The following DMTF1 variants were observed in gnomAD, a reference collection of about 807,000 sequenced individuals.
DMTF1 encodes cyclin D binding myb like transcription factor 1.
In DMTF1, 39 loss-of-function variants were observed where a neutral mutation model predicts 91.1. The ratio of observed to expected loss-of-function variants is 0.43; its 90% CI spans 0.33 to 0.56. The LOEUF is 0.56. Ranked by LOEUF, DMTF1 falls within the 20% of genes least tolerant of loss-of-function variation. The pLI is 0.05. For synonymous variants in DMTF1, 338 were observed against 309.5 expected, an observed-to-expected ratio of 1.09 and a Z score of -0.97; for missense variants, 750 against 914.5, an observed-to-expected ratio of 0.82 and a Z score of 2.32.
chr7:87,189,064 C>T (rs374851232), intron 13 of DMTF1, among the ~76,000 whole-genome samples: 4 of 152,082 alleles, frequency 2.6e-5, no homozygotes, highest in East Asian at 3.8e-4. Flanking sequence ...GCATTTTGAG[C>T]GACAGGTTTT....
At chr7:87,193,600 T>C (rs1800439089) in intron 15 of DMTF1, 125 bp from the exon 16 acceptor site, 1 of 1,007,360 alleles carries the variant, frequency 9.9e-7, no homozygotes, top group African/African-American at 1.6e-5. Context: ...AGGACAAGGG[T>C]TCTAGAAAAA....
chr7:87,155,455 C>G (rs1043747017), intron 1 of DMTF1: 12 of 152,168 alleles, frequency 7.9e-5, no homozygotes, highest in African/African-American at 2.7e-4. Context: ...GCAATTGCAG[C>G]TCCTTTATGT....
chr7:87,172,035 G>C (rs1386879141), intron 5 of DMTF1, among the ~76,000 whole-genome samples: 3 of 152,178 alleles, frequency 2.0e-5, no homozygotes. Flanking sequence ...TTGGGAAATG[G>C]TGATTTGATT....
chr7:87,179,311 G>T (rs563303249), intron 7 of DMTF1, among the ~76,000 whole-genome samples: 1 of 152,072 alleles, frequency 6.6e-6, no homozygotes, highest in African/African-American at 2.4e-5. Flanking sequence ...TAAAAGAGTT[G>T]ATGGAAATTC....
intron 7 of DMTF1, among the ~76,000 whole-genome samples, chr7:87,178,219 G>T (rs1796640498): frequency 6.6e-6 from 1 of 152,010 alleles, no homozygotes; most frequent in Non-Finnish European, 1.5e-5. Flanking sequence ...TAATTTTGAC[G>T]CTGTGTGGGA....
chr7:87,173,124 C>G (rs1795469305), intron 5 of DMTF1, among the ~76,000 whole-genome samples: 1 of 152,154 alleles, frequency 6.6e-6, no homozygotes, highest in Non-Finnish European at 1.5e-5. Context: ...CCTAGGACTT[C>G]CATTTTCCTA....
At position 87,194,838 on chromosome 7, in the gene DMTF1, T is replaced by C. The variant is rs934831380; in HGVS notation, c.2173+10T>C. The stretch of plus-strand genomic sequence containing the variant: ...TTGACAACACTAACAGGTACTGTAA[T>C]ATAATACTTACTATGTGCCTGATAA... On this transcript the variant is annotated intron_variant, in intron 17 of 17. Transcript: ENST00000331242. The C allele has an allele frequency of 7.0e-5, 112 of 1,596,334 alleles. No individual in the cohort carries two copies. The highest frequency in any genetic ancestry group is 9.2e-5 in the Non-Finnish European group (108 of 1,171,910).
At chr7:87,189,729 T>G (rs1799308056) in intron 13 of DMTF1, among the ~76,000 whole-genome samples, 1 of 152,114 alleles carries the variant, frequency 6.6e-6, no homozygotes, top group Admixed American at 6.6e-5. Context: ...TAGTAAATAT[T>G]TTAGGCTTTG....
chr7:87,166,015 G>A (rs1049381024), intron 3 of DMTF1, among the ~76,000 whole-genome samples: 2 of 152,108 alleles, frequency 1.3e-5, no homozygotes, highest in Admixed American at 1.3e-4. Flanking sequence ...ACATTTAATA[G>A]CATAAAGCTT....
chr7:87,194,869 A>C (rs1450697497), intron 17 of DMTF1, 41 bp downstream of exon 17: 1 of 1,567,522 alleles, frequency 6.4e-7, no homozygotes, highest in Admixed American at 1.9e-5. Flanking sequence ...GATAAATTTT[A>C]GATGGAAAAA....
Position 87,194,678 on chromosome 7 carries a change from A to G in DMTF1, c.2029-6A>G. On this transcript the variant is annotated splice_polypyrimidine_tract_variant and splice_region_variant and intron_variant, in intron 16 of 17. Coordinates refer to ENST00000331242, the MANE Select transcript of DMTF1 (RefSeq NM_001142327.2). ...GAGTCAATATTTTTTTTTTAATGTTATTTAGGGTTTAGAGTCTCCCACTAT... is the reference window on the plus strand; with the variant it reads ...GAGTCAATATTTTTTTTTTAATGTTGTTTAGGGTTTAGAGTCTCCCACTAT... The G allele has an allele frequency of 6.3e-7, 1 of 1,592,586 alleles. No homozygotes were observed. The highest frequency in any genetic ancestry group is 8.6e-7 in the Non-Finnish European group (1 of 1,165,466).
In DMTF1 at chr7:87,173,651, T is replaced by C; in HGVS notation, c.442+2T>C. 6.3e-7 allele frequency: 1 copy of C among 1,589,238 alleles called. No homozygotes were observed. Among genetic ancestry groups the C allele is most frequent in the Non-Finnish European group, 8.6e-7 (1 of 1,161,364 alleles). The stretch of plus-strand genomic sequence containing the variant: ...ATAAGGATTCTCTGACTAATAAAGG[T>C]AAGATAACACTGTGAATTTTAGTGC... On this transcript the variant is annotated splice_donor_variant, in intron 6 of 17. Coordinates refer to ENST00000331242, the MANE Select transcript of DMTF1 (RefSeq NM_001142327.2). LOFTEE classifies it high-confidence loss of function.
chr7:87,167,554 G>T (rs370521848), intron 4 of DMTF1, among the ~76,000 whole-genome samples: 2 of 152,084 alleles, frequency 1.3e-5, no homozygotes, highest in Admixed American at 6.5e-5. Flanking sequence ...GAAAAAGCAA[G>T]ACTTGGTTTT....
rs571610279 is a variant in DMTF1 at position 87,173,262 on chromosome 7, G to A, written c.328-273G>A. 1.8e-4 allele frequency among the ~76,000 whole-genome samples: 28 copies of A among 152,138 alleles called. No individual in the cohort carries two copies. In the South Asian group the frequency reaches 5.8e-3, roughly 32 times the overall value. The stretch of plus-strand genomic sequence containing the variant: ...CTCTTGGCCCATTTTATATAAAACT[G>A]AAGCCAATAGTACATTTACTTGCTT... On this transcript the variant is annotated intron_variant, in intron 5 of 17. Transcript: ENST00000331242.
At position 87,181,953 on chromosome 7, in the gene DMTF1, A is replaced by C. The variant is rs560578524; in HGVS notation, c.711-275A>C. The C allele has an allele frequency of 3.2e-5, 42 of 1,308,298 alleles. 1 individual carries two copies. In the East Asian group the frequency reaches 5.5e-4, roughly 17 times the overall value. The allele number at this position is 1,308,298 out of a possible 1,614,324, so 81.0% of individuals were successfully genotyped here. A position where few individuals can be genotyped will look rare whatever the true frequency, so the allele number is the denominator to read the frequency against. ...GCTTGCCTGGGAGATTGTGTCAGTAACCTGAGGGGAAATTGGTCTTTTTTG... is the reference window on the plus strand; with the variant it reads ...GCTTGCCTGGGAGATTGTGTCAGTACCCTGAGGGGAAATTGGTCTTTTTTG... On this transcript the variant is annotated intron_variant, in intron 9 of 17. Transcript: ENST00000331242.
chr7:87,184,333 G>T, intron 10 of DMTF1, 64 bp from the exon 11 acceptor site: 1 of 1,450,538 alleles, frequency 6.9e-7, no homozygotes, highest in Non-Finnish European at 9.5e-7. Context: ...CTTGTAAATA[G>T]AGGGCTGAAT....
At chr7:87,177,800 T>A (rs995700194) in intron 7 of DMTF1, among the ~76,000 whole-genome samples, 2 of 152,062 alleles carry the variant, frequency 1.3e-5, no homozygotes, top group African/African-American at 4.8e-5. Flanking sequence ...AATTCCTAAT[T>A]TACAGTGTCC....
chr7:87,192,914 G>C (rs771194324), intron 14 of DMTF1: 2 of 279,102 alleles, frequency 7.2e-6, no homozygotes, highest in Middle Eastern at 1.0e-3. Context: ...AGGGGTGATT[G>C]GGTGTTGTGG....
At chr7:87,176,235 TA>T (rs1199002487) in intron 7 of DMTF1, among the ~76,000 whole-genome samples, 1 of 152,226 alleles carries the variant, frequency 6.6e-6, no homozygotes. Context: ...TCTTCACTAA[TA>T]AATGAGATCC....
Sources: allele counts gnomAD v4.1 joint callset (sites outside exome capture counted in the v4.1 genomes callset), GRCh38; gene constraint gnomAD v4.1.1; transcripts MANE v1.5; gene names NCBI Gene and HGNC (gene_info 2026-07-23, HGNC 2026-07-21).